Variants in DUSP16 observed in about 807,000 individuals in gnomAD.
DUSP16 encodes dual specificity phosphatase 16.
A neutral mutation model predicts 58.3 loss-of-function variants in DUSP16; 21 were observed. The observed-to-expected ratio is 0.36, with a 90% CI of 0.26 to 0.52. DUSP16 has a LOEUF of 0.52. Among genes scored for constraint, DUSP16 ranks in the 20% least tolerant of loss-of-function variants. The probability of loss-of-function intolerance (pLI) is 0.94; values close to 1 mark genes in which losing one functional copy is unlikely to be tolerated. For missense variants in DUSP16, 726 were observed against 819.0 expected (o/e 0.89, Z 1.39); for synonymous variants, 320 against 323.8 (o/e 0.99, Z 0.12).
chr12:12,503,147 A>G (rs1264881484), intron 3 of DUSP16, among the ~76,000 whole-genome samples: 1 of 151,418 alleles, frequency 6.6e-6, no homozygotes, highest in Non-Finnish European at 1.5e-5. Context: ...AGAGTTGTTG[A>G]GATAATTAGT....
intron 1 of DUSP16, among the ~76,000 whole-genome samples, chr12:12,557,388 C>T (rs1209385702): frequency 1.3e-5 from 2 of 148,466 alleles, no homozygotes; most frequent in Non-Finnish European, 3.0e-5. Flanking sequence ...ACCCGGGAGG[C>T]GGAGGCTGCA....
chr12:12,484,771 G>A (rs1248954227), intron 5 of DUSP16, among the ~76,000 whole-genome samples: 2 of 151,708 alleles, frequency 1.3e-5, no homozygotes, highest in South Asian at 2.1e-4. Flanking sequence ...ACAGGTGCCC[G>A]CCACCATGCC....
intron 1 of DUSP16, among the ~76,000 whole-genome samples, chr12:12,545,714 G>A (rs1944632065): frequency 1.3e-5 from 2 of 152,120 alleles, no homozygotes; most frequent in African/African-American, 2.4e-5. Context: ...GATGCAGAAC[G>A]TTTCCATCGC....
chr12:12,557,177 C>T (rs778645869), intron 1 of DUSP16, among the ~76,000 whole-genome samples: 50 of 151,980 alleles, frequency 3.3e-4, no homozygotes, highest in Admixed American at 9.2e-4. Context: ...AGTTTCTGGC[C>T]GGGTGTGGTG....
At chr12:12,479,417 T>C (rs1380915187) in intron 6 of DUSP16, among the ~76,000 whole-genome samples, 1 of 152,204 alleles carries the variant, frequency 6.6e-6, no homozygotes, top group African/African-American at 2.4e-5. Context: ...TTTCTTCTGA[T>C]TTCTACATGG....
chr12:12,548,301 C>T (rs1944676508), intron 1 of DUSP16, among the ~76,000 whole-genome samples: 1 of 152,042 alleles, frequency 6.6e-6, no homozygotes, highest in Non-Finnish European at 1.5e-5. Flanking sequence ...GAATCAAAAC[C>T]ACAATGAGGT....
In DUSP16 at chr12:12,476,190, A is replaced by T. The variant is rs1425668347; in HGVS notation, c.*643T>A. ...ATTCACAATGCCTAGAAAATGGGCT[A>T]CCAGATATGGTAGTGGTCAAAGCCC... On this transcript the variant is annotated 3_prime_UTR_variant, in exon 7 of 7. Coordinates refer to ENST00000298573, the MANE Select transcript of DUSP16 (RefSeq NM_030640.3). The T allele has an allele frequency of 6.5e-6, 1 of 152,692 alleles. No homozygotes were observed. Among genetic ancestry groups the T allele is most frequent in the Non-Finnish European group, 1.5e-5 (1 of 68,064 alleles). The allele number at this position is 152,692 out of a possible 1,614,324, so 9.5% of individuals were successfully genotyped here.
At chr12:12,488,910 A>G (rs1191275282) in intron 4 of DUSP16, among the ~76,000 whole-genome samples, 1 of 151,882 alleles carries the variant, frequency 6.6e-6, no homozygotes, top group Admixed American at 6.6e-5. Context: ...AGAAACCCCA[A>G]CTCTACTAAA....
intron 4 of DUSP16, among the ~76,000 whole-genome samples, chr12:12,495,956 A>G (rs1479065173): frequency 1.3e-5 from 2 of 152,220 alleles, no homozygotes; most frequent in African/African-American, 4.8e-5. Context: ...ATGCCATTTC[A>G]TTTGAATGTT....
intron 4 of DUSP16, among the ~76,000 whole-genome samples, chr12:12,498,134 ATAT>A (rs1449565690): frequency 8.5e-5 from 13 of 152,164 alleles, no homozygotes. Context: ...AAAAAGAAGC[ATAT>A]TATTTCTCTT....
rs1244335630 is a variant in DUSP16, at chr12:12,499,535, ATCGGGTATTTT to A, written c.531+973_531+983del. Among the ~76,000 whole-genome samples, 20 of 152,296 alleles carry A rather than the reference ATCGGGTATTTT, an allele frequency of 1.3e-4. No homozygotes were observed. The East Asian group carries it at 2.7e-3, about 21-fold the overall frequency. Reference sequence around the variant, plus strand: ...CTTATTGCTACCCAATGACCCGATGATCGGGTATTTTTCTTCCTCCTAGAAAGCCTTGCCTT... The same window carrying A: ...CTTATTGCTACCCAATGACCCGATGATCTTCCTCCTAGAAAGCCTTGCCTT... On this transcript the variant is annotated intron_variant, in intron 4 of 6. Coordinates refer to ENST00000298573, the MANE Select transcript of DUSP16 (RefSeq NM_030640.3).
At chr12:12,479,534 G>A (rs1180402645) in intron 6 of DUSP16, among the ~76,000 whole-genome samples, 2 of 152,096 alleles carry the variant, frequency 1.3e-5, no homozygotes, top group Admixed American at 6.5e-5. Flanking sequence ...AGCTGTTTGG[G>A]CAGCTCATTT....
chr12:12,528,711 T>TATAA (rs1485291865), intron 1 of DUSP16, among the ~76,000 whole-genome samples: 1 of 152,224 alleles, frequency 6.6e-6, no homozygotes, highest in Non-Finnish European at 1.5e-5. Context: ...ACTGCCTGGT[T>TATAA]ATAAATTAAC....
chr12:12,556,296 G>A (rs1297970355), intron 1 of DUSP16, among the ~76,000 whole-genome samples: 6 of 152,220 alleles, frequency 3.9e-5, no homozygotes, highest in Non-Finnish European at 8.8e-5. Flanking sequence ...AGTGGCTTGT[G>A]CCTGTAATCC....
chr12:12,555,248 A>G (rs1330652180), intron 1 of DUSP16, among the ~76,000 whole-genome samples: 1 of 152,232 alleles, frequency 6.6e-6, no homozygotes, highest in African/African-American at 2.4e-5. Context: ...AGGTGAGGTC[A>G]GAGACCCCGT....
At position 12,476,128 on chromosome 12, in the gene DUSP16, T is replaced by C. The variant is rs552466092; in HGVS notation, c.*705A>G. The C allele has an allele frequency of 6.6e-6, 1 of 152,582 alleles. No homozygotes were observed. The highest frequency in any genetic ancestry group is 1.9e-4 in the East Asian group (1 of 5,190). 9.5% of individuals were successfully genotyped at this position (152,582 alleles called of 1,614,324 possible). A position where few individuals can be genotyped will look rare whatever the true frequency, so the allele number is the denominator to read the frequency against. On this transcript the variant is annotated 3_prime_UTR_variant, in exon 7 of 7. Transcript: ENST00000298573. ...CACGGGAATTTTGTGCATAGACAGT[T>C]TGAATTGGTCTGAAAAGTGTGACTA...
chr12:12,479,646 G>A (rs927829808), intron 6 of DUSP16, among the ~76,000 whole-genome samples: 4 of 152,102 alleles, frequency 2.6e-5, no homozygotes, highest in Admixed American at 1.3e-4. Context: ...AGATAAAAAT[G>A]AACCATCTCT....
chr12:12,528,019 A>G (rs1944330023), intron 1 of DUSP16, among the ~76,000 whole-genome samples: 2 of 152,182 alleles, frequency 1.3e-5, no homozygotes, highest in East Asian at 1.9e-4. Context: ...AGCCTTCACC[A>G]AAGTTTCTGT....
intron 3 of DUSP16, among the ~76,000 whole-genome samples, chr12:12,507,776 A>C (rs1407384034): frequency 6.6e-6 from 1 of 152,138 alleles, no homozygotes; most frequent in East Asian, 1.9e-4. Flanking sequence ...TGCCCGGCTA[A>C]TTTTGTATTG....
Sources: allele counts gnomAD v4.1 joint callset (sites outside exome capture counted in the v4.1 genomes callset), GRCh38; gene constraint gnomAD v4.1.1; transcripts MANE v1.5; gene names NCBI Gene and HGNC (gene_info 2026-07-23, HGNC 2026-07-21).